NEBL: variants seen among roughly 807,000 people sequenced by gnomAD.
The protein encoded by NEBL is LIM and SH3 protein 2.
Under a neutral mutation model 140.2 loss-of-function variants are expected in NEBL, and 122 were observed. The ratio of observed to expected loss-of-function variants is 0.87; its 90% confidence interval spans 0.75 to 1.01. The LOEUF is 1.01. NEBL is among the 50% of genes least tolerant of loss of function. NEBL has a pLI of 0.00. For missense variants in NEBL, 1,365 were observed against 1,231.3 expected (o/e 1.11, Z -1.62); for synonymous variants, 436 against 398.9 (o/e 1.09, Z -1.11).
At chr10:20,887,251 T>C (rs950627197) in intron 4 of NEBL, among the ~76,000 whole-genome samples, 2 of 152,136 alleles carry the variant, frequency 1.3e-5, no homozygotes, top group Non-Finnish European at 2.9e-5. Context: ...AATTCTTAAG[T>C]TCCTCTGCAA....
At chr10:21,076,741 T>C (rs1420770237) in intron 2 of NEBL, among the ~76,000 whole-genome samples, 1 of 152,184 alleles carries the variant, frequency 6.6e-6, no homozygotes, top group Non-Finnish European at 1.5e-5. Flanking sequence ...GACATTATAA[T>C]TGAAATCAGC....
chr10:21,110,749 A>C, intron 2 of NEBL: 1 of 507,176 alleles, frequency 2.0e-6, no homozygotes, highest in Admixed American at 2.1e-5. Flanking sequence ...TTATCGCTTT[A>C]AAGTGGATAC....
At chr10:20,923,421 G>A (rs1481115353) in intron 4 of NEBL, among the ~76,000 whole-genome samples, 2 of 151,856 alleles carry the variant, frequency 1.3e-5, no homozygotes, top group Non-Finnish European at 2.9e-5. Flanking sequence ...GCTCATGCCT[G>A]TAATCCCAGC....
intron 3 of NEBL, among the ~76,000 whole-genome samples, chr10:21,192,104 C>T (rs941699900): frequency 1.3e-5 from 2 of 152,102 alleles, no homozygotes; most frequent in African/African-American, 4.8e-5. Flanking sequence ...AAATCTGCTT[C>T]TTAGTAGATA....
At chr10:20,792,755 G>A (rs762479739) in intron 26 of NEBL, among the ~76,000 whole-genome samples, 3 of 151,518 alleles carry the variant, frequency 2.0e-5, no homozygotes, top group Non-Finnish European at 2.9e-5. Context: ...AGCTGAGATC[G>A]TGCCTTTTCA....
intron 4 of NEBL, among the ~76,000 whole-genome samples, chr10:20,918,866 A>G (rs955496769): frequency 6.6e-6 from 1 of 151,646 alleles, no homozygotes; most frequent in African/African-American, 2.4e-5. Context: ...AATAAATTAA[A>G]TAAATAAATA....
At chr10:21,155,089 C>T (rs1265447348) in intron 2 of NEBL, among the ~76,000 whole-genome samples, 5 of 152,170 alleles carry the variant, frequency 3.3e-5, no homozygotes, top group Non-Finnish European at 1.5e-5. Context: ...ATCCCAGCTA[C>T]TCCAGAGGCT....
chr10:21,240,143 G>C (rs1842419923), intron 3 of NEBL, among the ~76,000 whole-genome samples: 1 of 152,094 alleles, frequency 6.6e-6, no homozygotes, highest in Non-Finnish European at 1.5e-5. Context: ...TCTCTTTCTA[G>C]CAGGAACGTT....
rs77105855 is a variant in NEBL, at chr10:21,110,999, A to G, written c.164+61384T>C. The G allele has an allele frequency of 4.1e-3, 1,410 of 342,366 alleles. 27 individuals carry two copies. The highest frequency in any genetic ancestry group is 0.027 in the African/African-American group (1,273 of 46,740). The allele number at this position is 342,366 out of a possible 1,614,324, so 21.2% of individuals were successfully genotyped here. ...GAGTGAACTCCCATTCACAATTGCT[A>G]CAAAGAGAATAAAACACCGAGGAAT... On this transcript the variant is annotated intron_variant, in intron 2 of 6. Coordinates refer to the NEBL transcript ENST00000417816.
intron 2 of NEBL, among the ~76,000 whole-genome samples, chr10:21,037,638 G>A (rs1834069403): frequency 6.6e-6 from 1 of 151,912 alleles, no homozygotes; most frequent in South Asian, 2.1e-4. Context: ...TCAACTATAT[G>A]GGTTTGTCAA....
chr10:21,194,141 A>AT (rs55771961), intron 3 of NEBL, among the ~76,000 whole-genome samples: 34 of 149,440 alleles, frequency 2.3e-4, no homozygotes, highest in South Asian at 1.3e-3. Context: ...TGCCTGGCTA[A>AT]TTTTTTTTTT....
intron 2 of NEBL, among the ~76,000 whole-genome samples, chr10:20,890,486 G>A (rs1317167390): frequency 6.6e-6 from 1 of 152,178 alleles, no homozygotes; most frequent in Non-Finnish European, 1.5e-5. Context: ...GCCAACGTGG[G>A]CTTCCTGTTA....
intron 1 of NEBL, among the ~76,000 whole-genome samples, chr10:21,281,588 C>T (rs1842995012): frequency 6.6e-6 from 1 of 151,976 alleles, no homozygotes; most frequent in Non-Finnish European, 1.5e-5. Flanking sequence ...CCCAAACACA[C>T]ATTCATCCTC....
chr10:21,063,991 G>C lies in NEBL; in HGVS notation c.165-43790C>G, dbSNP rs537737640. ...GAAGGCTGAGGAAGGAGGATTGCTT[G>C]AGCCCGGGAGGCAGAGGTTGCAATG... On this transcript the variant is annotated intron_variant, in intron 2 of 6. Transcript: ENST00000417816. 2.0e-5 allele frequency among the ~76,000 whole-genome samples: 3 copies of C among 152,174 alleles called. No homozygotes were observed. In the East Asian group the frequency reaches 5.8e-4, roughly 29 times the overall value.
chr10:21,183,002 C>T (rs1052727831), intron 3 of NEBL, among the ~76,000 whole-genome samples: 1 of 152,090 alleles, frequency 6.6e-6, no homozygotes, highest in African/African-American at 2.4e-5. Flanking sequence ...ATTCATTCAC[C>T]CTAAGACAGA....
intron 3 of NEBL, among the ~76,000 whole-genome samples, chr10:20,995,700 T>A (rs1480875589): frequency 2.0e-5 from 3 of 152,182 alleles, no homozygotes; most frequent in Non-Finnish European, 4.4e-5. Flanking sequence ...AATTCCTTTT[T>A]AAATTTCCAA....
chr10:21,219,793 A>T (rs1053025692), intron 3 of NEBL, among the ~76,000 whole-genome samples: 3 of 148,572 alleles, frequency 2.0e-5, no homozygotes, highest in Admixed American at 2.0e-4. Context: ...CAGTGTACAG[A>T]TGTTTCACCT....
rs1410324040 is a variant in NEBL, at chr10:21,237,229, G to A, written n.348+10692C>T. Among the ~76,000 whole-genome samples the A allele has an allele frequency of 5.3e-5, 8 of 152,182 alleles. No individual in the cohort carries two copies. The East Asian group carries it at 1.5e-3, about 29-fold the overall frequency. On this transcript the variant is annotated intron_variant and non_coding_transcript_variant, in intron 3 of 8. Coordinates refer to the NEBL transcript ENST00000675702. Reference sequence around the variant, plus strand: ...GGTTTGTTTTGTTTTGTTTGAGATAGAGTGTCACTCTGTTGCCCAGGCTGG... The same window carrying A: ...GGTTTGTTTTGTTTTGTTTGAGATAAAGTGTCACTCTGTTGCCCAGGCTGG...
chr10:21,164,380 C>G (rs1840676987), intron 2 of NEBL, among the ~76,000 whole-genome samples: 1 of 152,198 alleles, frequency 6.6e-6, no homozygotes, highest in Admixed American at 6.5e-5. Context: ...GTCCTAGGAA[C>G]CACTCTGTAA....
Sources: gnomAD v4.1 joint callset for allele counts (sites outside exome capture counted in the v4.1 genomes callset) on GRCh38, gnomAD v4.1.1 for gene constraint, MANE v1.5 for transcripts, NCBI Gene and HGNC (gene_info 2026-07-23, HGNC 2026-07-21) for gene names.